The following TADA2A variants were observed in gnomAD, a reference collection of about 807,000 sequenced individuals.
TADA2A encodes the protein transcriptional adaptor 2A.
A neutral mutation model predicts 67.4 loss-of-function variants in TADA2A; 38 were observed. The observed-to-expected ratio is 0.56, with a 90% CI of 0.44 to 0.74. TADA2A has a LOEUF of 0.74. TADA2A is among the 30% of genes least tolerant of loss of function. The pLI is 0.00. For missense variants in TADA2A, 454 were observed against 547.0 expected, an observed-to-expected ratio of 0.83 and a Z score of 1.70; for synonymous variants, 192 against 181.6, an observed-to-expected ratio of 1.06 and a Z score of -0.46.
intron 8 of TADA2A, among the ~76,000 whole-genome samples, chr17:37,453,245 G>T (rs750122215): frequency 6.6e-6 from 1 of 152,218 alleles, no homozygotes; most frequent in African/African-American, 2.4e-5. Flanking sequence ...TAATGAGTCA[G>T]TATGTGGTAT....
Position 37,432,710 on chromosome 17 carries a change from T to C in TADA2A, c.193-5028T>C, listed in dbSNP as rs569603870. On this transcript the variant is annotated intron_variant, in intron 4 of 15. Coordinates refer to ENST00000615182, the MANE Select transcript of TADA2A (RefSeq NM_001166105.3). ...ATGTTTTCACTGTTTTTTGGATAAA[T>C]ACCTAGGAGTGAAATTGCTGGGTCA... 9.8e-5 allele frequency among the ~76,000 whole-genome samples: 15 copies of C among 152,310 alleles called. No homozygotes were observed. In the East Asian group the frequency reaches 2.3e-3, roughly 23 times the overall value.
rs572629953 is a variant in TADA2A, at chr17:37,469,459, C to T, written c.896-941C>T. ...GACCAGCCTGACCAACATGGAGAAA[C>T]CCCGTGTCTACTAAAAATACAAAAT... On this transcript the variant is annotated intron_variant, in intron 12 of 15. Coordinates refer to ENST00000615182, the MANE Select transcript of TADA2A (RefSeq NM_001166105.3). Among the ~76,000 whole-genome samples the T allele has an allele frequency of 4.9e-4, 75 of 151,762 alleles. 1 individual carries two copies. Among genetic ancestry groups the T allele is most frequent in the African/African-American group, 1.7e-3 (71 of 41,426 alleles).
intron 8 of TADA2A, among the ~76,000 whole-genome samples, chr17:37,447,878 C>T (rs1236826463): frequency 2.0e-5 from 3 of 152,154 alleles, no homozygotes; most frequent in Non-Finnish European, 4.4e-5. Flanking sequence ...TAGAGGGGCA[C>T]AGATTTTGTA....
intron 11 of TADA2A, among the ~76,000 whole-genome samples, chr17:37,467,073 G>C (rs2053679979): frequency 6.6e-6 from 1 of 152,124 alleles, no homozygotes; most frequent in South Asian, 2.1e-4. Flanking sequence ...AGGGGGAATT[G>C]CTTGAACCCG....
At chr17:37,407,662 C>T (rs944363423) in intron 1 of TADA2A, among the ~76,000 whole-genome samples, 1 of 151,164 alleles carries the variant, frequency 6.6e-6, no homozygotes, top group Non-Finnish European at 1.5e-5. Context: ...GGCTGTACTG[C>T]AGTGCAGTGG....
intron 2 of TADA2A, among the ~76,000 whole-genome samples, chr17:37,418,411 C>T (rs1250290887): frequency 2.6e-5 from 4 of 152,052 alleles, no homozygotes; most frequent in African/African-American, 9.7e-5. Context: ...GGTACCTCCT[C>T]AGATTTCCAA....
intron 4 of TADA2A, 142 bp from the exon 5 acceptor site, chr17:37,437,596 A>G: frequency 6.3e-6 from 4 of 635,208 alleles, no homozygotes; most frequent in Non-Finnish European, 8.3e-6. Context: ...CATATTGGCC[A>G]GGCTGGTCTC....
chr17:37,423,882 T>A (rs2052323851), intron 3 of TADA2A, among the ~76,000 whole-genome samples: 1 of 151,846 alleles, frequency 6.6e-6, no homozygotes, highest in African/African-American at 2.4e-5. Flanking sequence ...CCTGAGTAGC[T>A]GAGATTACAG....
chr17:37,467,673 A>G (rs1336708764), intron 12 of TADA2A, 148 bp downstream of exon 12: 1 of 652,498 alleles, frequency 1.5e-6, no homozygotes, highest in Non-Finnish European at 2.6e-6. Flanking sequence ...AGTTTTGGCT[A>G]TTTAATCCCT....
chr17:37,466,157 A>G (rs11870719), intron 11 of TADA2A, among the ~76,000 whole-genome samples: 1,953 of 152,308 alleles, frequency 0.013, 13 homozygotes, highest in Non-Finnish European at 0.022. Flanking sequence ...GTGGTGGCTC[A>G]CACCTGTAAT....
intron 2 of TADA2A, among the ~76,000 whole-genome samples, chr17:37,418,522 G>C (rs533748290): frequency 1.3e-5 from 2 of 151,882 alleles, no homozygotes; most frequent in Non-Finnish European, 2.9e-5. Flanking sequence ...AGGTCAATGT[G>C]TATTGTCATG....
chr17:37,436,125 G>C (rs757033323), intron 4 of TADA2A, among the ~76,000 whole-genome samples: 5 of 151,528 alleles, frequency 3.3e-5, no homozygotes, highest in Admixed American at 1.3e-4. Flanking sequence ...TTATTTATTT[G>C]CTTTACCTCA....
At chr17:37,419,475 A>C (rs747670441) in intron 2 of TADA2A, among the ~76,000 whole-genome samples, 5 of 146,552 alleles carry the variant, frequency 3.4e-5, no homozygotes, top group Admixed American at 6.9e-5. Context: ...TGGCCCGTGC[A>C]GTAATTGCTT....
At chr17:37,409,785 AAAAC>A (rs147547983) in intron 1 of TADA2A, among the ~76,000 whole-genome samples, 33,505 of 151,554 alleles carry the variant, frequency 0.22, 3,928 homozygotes, top group Middle Eastern at 0.35. Flanking sequence ...AACAAAAACA[AAAAC>A]AAAAAGCTGT....
chr17:37,424,285 TA>T (rs1352645037), intron 3 of TADA2A, among the ~76,000 whole-genome samples: 1 of 148,398 alleles, frequency 6.7e-6, no homozygotes, highest in Non-Finnish European at 1.5e-5. Flanking sequence ...TCCACAAAAA[TA>T]AAAAAAAATT....
At chr17:37,471,889 G>A (rs2053794912) in intron 14 of TADA2A, among the ~76,000 whole-genome samples, 1 of 152,104 alleles carries the variant, frequency 6.6e-6, no homozygotes, top group African/African-American at 2.4e-5. Flanking sequence ...GAGACCTAAA[G>A]TATTTCTATT....
chr17:37,420,034 C>T (rs1176684266), intron 2 of TADA2A, among the ~76,000 whole-genome samples: 1 of 145,768 alleles, frequency 6.9e-6, no homozygotes, highest in Non-Finnish European at 1.5e-5. Context: ...AACTACTTTG[C>T]TCAGTGGCTG....
At chr17:37,457,281 A>G (rs906355173) in intron 8 of TADA2A, among the ~76,000 whole-genome samples, 4 of 150,440 alleles carry the variant, frequency 2.7e-5, no homozygotes, top group Non-Finnish European at 5.9e-5. Flanking sequence ...CCCAGGTTCA[A>G]GCAACTGTCC....
At chr17:37,444,878 T>C in intron 8 of TADA2A, 110 bp downstream of exon 8, 7 of 1,005,696 alleles carry the variant, frequency 7.0e-6, no homozygotes, top group Non-Finnish European at 1.0e-5. Context: ...CCTTATAGAA[T>C]TCAGAAATCT....
Sources: gnomAD v4.1 joint callset for allele counts (sites outside exome capture counted in the v4.1 genomes callset) on GRCh38, gnomAD v4.1.1 for gene constraint, MANE v1.5 for transcripts, NCBI Gene and HGNC (gene_info 2026-07-23, HGNC 2026-07-21) for gene names.